Variants in CD96 observed in about 807,000 individuals in gnomAD.
The protein encoded by CD96 is CD96 molecule.
CD96 carries 70 observed loss-of-function variants against 71.3 expected under a neutral mutation model. That is an observed-to-expected ratio of 0.98 (90% CI 0.81 to 1.20). CD96 has a LOEUF of 1.20. Ranked by LOEUF, CD96 falls within the 50% of genes most tolerant of loss-of-function variation. CD96 has a pLI of 0.00. For missense variants in CD96, 742 were observed against 677.5 expected (o/e 1.10, Z -1.06); for synonymous variants, 248 against 233.0 (o/e 1.06, Z -0.59).
intron 5 of CD96, among the ~76,000 whole-genome samples, chr3:111,589,144 G>A (rs1271113450): frequency 6.6e-6 from 1 of 151,680 alleles, no homozygotes; most frequent in Non-Finnish European, 1.5e-5. Context: ...TAGAGATGGG[G>A]TTTCACCGTG....
At chr3:111,584,059 A>G (rs1444857778) in intron 4 of CD96, among the ~76,000 whole-genome samples, 1 of 152,206 alleles carries the variant, frequency 6.6e-6, no homozygotes, top group Non-Finnish European at 1.5e-5. Flanking sequence ...GAGTGCCTTT[A>G]ACAGCACCCA....
intron 8 of CD96, among the ~76,000 whole-genome samples, chr3:111,623,432 CT>C (rs1436164292): frequency 3.3e-5 from 5 of 152,126 alleles, no homozygotes; most frequent in Non-Finnish European, 5.9e-5. Context: ...GGGACCCTGT[CT>C]TCATTGTTTA....
At position 111,624,457 on chromosome 3, in the gene CD96, G is replaced by A. The variant is rs996343764; in HGVS notation, c.1321+53G>A. ...TCCTCTGGACTTCAGTCATTCATCC[G>A]ACAGATATATTGAACGACATCTATG... On this transcript the variant is annotated intron_variant, in intron 10 of 13. Coordinates refer to ENST00000352690, the MANE Select transcript of CD96 (RefSeq NM_005816.5). 23 of 980,542 alleles carry A rather than the reference G, an allele frequency of 2.3e-5. No homozygotes were observed. The East Asian group carries it at 2.9e-4, about 12-fold the overall frequency. The allele number at this position is 980,542 out of a possible 1,614,324, so 60.7% of individuals were successfully genotyped here.
chr3:111,593,320 A>C, intron 5 of CD96: 1 of 422,970 alleles, frequency 2.4e-6, no homozygotes, highest in African/African-American at 2.0e-5. Context: ...TATCTTTAAT[A>C]GGTACATTTT....
chr3:111,595,865 A>T (rs1398315723), intron 5 of CD96, among the ~76,000 whole-genome samples: 3 of 152,184 alleles, frequency 2.0e-5, no homozygotes, highest in African/African-American at 7.2e-5. Flanking sequence ...AAGGAAAGAT[A>T]GAAATGGCAT....
intron 2 of CD96, among the ~76,000 whole-genome samples, chr3:111,546,064 T>C (rs1450794703): frequency 6.6e-6 from 1 of 151,654 alleles, no homozygotes; most frequent in African/African-American, 2.4e-5. Flanking sequence ...AAGGAGAAGG[T>C]AGAGACAACT....
chr3:111,657,579 T>C (rs1441650251), intron 14 of CD96, among the ~76,000 whole-genome samples: 1 of 152,196 alleles, frequency 6.6e-6, no homozygotes, highest in African/African-American at 2.4e-5. Context: ...ATTGTAATGA[T>C]ATAAGCAAAG....
At chr3:111,556,931 T>C (rs949401103) in intron 2 of CD96, among the ~76,000 whole-genome samples, 3 of 119,756 alleles carry the variant, frequency 2.5e-5, no homozygotes, top group Non-Finnish European at 5.1e-5. Context: ...ATAGTGGTTT[T>C]GATTTGCATT....
At chr3:111,631,403 C>T (rs1199552981) in intron 10 of CD96, among the ~76,000 whole-genome samples, 1 of 151,960 alleles carries the variant, frequency 6.6e-6, no homozygotes, top group East Asian at 1.9e-4. Context: ...ACAATTACCA[C>T]AAAAAAGAAT....
intron 3 of CD96, chr3:111,577,416 C>A: frequency 3.3e-6 from 3 of 911,460 alleles, no homozygotes; most frequent in Non-Finnish European, 5.6e-6. Context: ...CTTCTCCTGT[C>A]CCCACCCAAT....
intron 3 of CD96, chr3:111,577,521 C>A (rs775714993): frequency 1.2e-6 from 2 of 1,607,122 alleles, no homozygotes; most frequent in Non-Finnish European, 1.7e-6. Context: ...AGCACGGATT[C>A]TTGGGTCCTT....
At chr3:111,585,674 A>C (rs1936680498) in intron 5 of CD96, among the ~76,000 whole-genome samples, 1 of 152,230 alleles carries the variant, frequency 6.6e-6, no homozygotes, top group South Asian at 2.1e-4. Context: ...GTGGATAGTG[A>C]GGACAAAGTA....
intron 5 of CD96, among the ~76,000 whole-genome samples, chr3:111,590,835 G>A (rs1342788817): frequency 6.6e-6 from 1 of 152,148 alleles, no homozygotes; most frequent in Non-Finnish European, 1.5e-5. Flanking sequence ...GCTCCAGAGT[G>A]TACTCAGCAG....
At chr3:111,564,370 C>T (rs1005961801) in intron 2 of CD96, among the ~76,000 whole-genome samples, 3 of 150,886 alleles carry the variant, frequency 2.0e-5, no homozygotes, top group Non-Finnish European at 4.4e-5. Context: ...TCAAAATTTC[C>T]CTCATTCTAT....
At chr3:111,570,490 G>A (rs72622321) in intron 3 of CD96, 15,610 of 761,456 alleles carry the variant, frequency 0.021, 759 homozygotes, top group East Asian at 0.15. Flanking sequence ...AGGGGTCACA[G>A]TGGAGCCACC....
chr3:111,631,525 T>G (rs1939061320), intron 10 of CD96, among the ~76,000 whole-genome samples: 2 of 152,030 alleles, frequency 1.3e-5, no homozygotes, highest in African/African-American at 4.8e-5. Flanking sequence ...TCCATGCACA[T>G]GGGTAGGAAG....
At chr3:111,595,739 A>G (rs1937226592) in intron 5 of CD96, among the ~76,000 whole-genome samples, 1 of 151,140 alleles carries the variant, frequency 6.6e-6, no homozygotes, top group South Asian at 2.1e-4. Context: ...TATAATATGC[A>G]TAATATATAT....
intron 3 of CD96, among the ~76,000 whole-genome samples, chr3:111,575,154 G>T (rs150537768): frequency 6.6e-6 from 1 of 152,120 alleles, no homozygotes; most frequent in Non-Finnish European, 1.5e-5. Flanking sequence ...TTGTGAGACT[G>T]TATATAGCAA....
intron 2 of CD96, among the ~76,000 whole-genome samples, chr3:111,561,318 T>C (rs1383920158): frequency 1.1e-4 from 16 of 149,250 alleles, no homozygotes; most frequent in African/African-American, 3.5e-4. Context: ...TTCTGTTCTG[T>C]TTTTTCCCCA....
Sources: allele counts gnomAD v4.1 joint callset (sites outside exome capture counted in the v4.1 genomes callset), GRCh38; gene constraint gnomAD v4.1.1; transcripts MANE v1.5; gene names NCBI Gene and HGNC (gene_info 2026-07-23, HGNC 2026-07-21).